The following TMCC1 variants were observed in gnomAD, a reference collection of about 807,000 sequenced individuals.
TMCC1 encodes transmembrane and coiled-coil domains protein 1.
A neutral mutation model predicts 52.4 loss-of-function variants in TMCC1; 15 were observed. The ratio of observed to expected loss-of-function variants is 0.29; its 90% CI spans 0.19 to 0.44. The LOEUF is 0.44. Ranked by LOEUF, TMCC1 falls within the 20% of genes least tolerant of loss-of-function variation. The pLI is 1.00. For synonymous variants in TMCC1, 279 were observed against 301.9 expected (o/e 0.92, Z 0.79); for missense variants, 503 against 806.0 (o/e 0.62, Z 4.55).
chr3:129,771,581 C>T (rs1301637643), intron 4 of TMCC1, among the ~76,000 whole-genome samples: 1 of 151,556 alleles, frequency 6.6e-6, no homozygotes, highest in East Asian at 1.9e-4. Flanking sequence ...TTGAGACCAG[C>T]CTGGACAACA....
At chr3:129,847,011 A>G (rs796504907) in intron 2 of TMCC1, 2 of 150,892 alleles carry the variant, frequency 1.3e-5, no homozygotes, top group African/African-American at 4.8e-5. Context: ...TCATACATAC[A>G]TACATACATA....
intron 4 of TMCC1, among the ~76,000 whole-genome samples, chr3:129,824,332 T>C (rs1219537012): frequency 6.7e-6 from 1 of 150,172 alleles, no homozygotes; most frequent in Non-Finnish European, 1.5e-5. Flanking sequence ...CGTGACTCTG[T>C]GTCAAAAAAA....
rs77754828 is a variant in TMCC1 at position 129,733,083 on chromosome 3, C to T, written c.577-61819G>A. ...CCTTCTTAGTGCAACTTTTAAGATACGTCTTTTGGAGTCCTCAAATAGTTG... is the reference window on the plus strand; with the variant it reads ...CCTTCTTAGTGCAACTTTTAAGATATGTCTTTTGGAGTCCTCAAATAGTTG... On this transcript the variant is annotated intron_variant, in intron 4 of 6. Transcript: ENST00000393238. Among the ~76,000 whole-genome samples the T allele has an allele frequency of 4.2e-3, 642 of 152,288 alleles. 3 individuals are homozygous for T. The highest frequency in any genetic ancestry group is 7.2e-3 in the Admixed American group (110 of 15,288).
chr3:129,705,168 T>C (rs966560784), intron 4 of TMCC1, among the ~76,000 whole-genome samples: 3 of 152,188 alleles, frequency 2.0e-5, no homozygotes, highest in African/African-American at 7.2e-5. Context: ...ATTCCTACCC[T>C]TGATATCTAT....
chr3:129,866,105 C>G (rs951608389), intron 2 of TMCC1, among the ~76,000 whole-genome samples: 1 of 151,520 alleles, frequency 6.6e-6, no homozygotes, highest in Non-Finnish European at 1.5e-5. Flanking sequence ...TTCTGGATGC[C>G]CTGACACCCA....
intron 4 of TMCC1, among the ~76,000 whole-genome samples, chr3:129,768,939 T>C (rs976514896): frequency 3.9e-5 from 6 of 152,300 alleles, no homozygotes; most frequent in South Asian, 2.1e-4. Context: ...CTGCACTCAC[T>C]GGAGATAGGC....
intron 4 of TMCC1, among the ~76,000 whole-genome samples, chr3:129,729,328 T>C (rs868034196): frequency 6.6e-6 from 1 of 152,236 alleles, no homozygotes; most frequent in African/African-American, 2.4e-5. Flanking sequence ...AATATCTTTT[T>C]ATGTATTTAG....
At chr3:129,813,450 CATGTACACCACAGAATACTACACAGCA>C (rs2057932639) in intron 4 of TMCC1, among the ~76,000 whole-genome samples, 1 of 152,080 alleles carries the variant, frequency 6.6e-6, no homozygotes, top group African/African-American at 2.4e-5. Flanking sequence ...AAATGTGGTA[CATGTACACCACAGAATACTACACAGCA>C]ATAAAAAAAT....
intron 2 of TMCC1, among the ~76,000 whole-genome samples, chr3:129,872,136 G>C (rs192275804): frequency 6.6e-6 from 1 of 152,344 alleles, no homozygotes; most frequent in East Asian, 1.9e-4. Context: ...AAAAGTGCTA[G>C]CCACAGTTGT....
chr3:129,655,252 T>C, intron 5 of TMCC1, 149 bp from the exon 6 acceptor site: 1 of 939,778 alleles, frequency 1.1e-6, no homozygotes, highest in Non-Finnish European at 1.5e-6. Context: ...TGCCAGTGGG[T>C]ATAGCTCTTA....
intron 4 of TMCC1, among the ~76,000 whole-genome samples, chr3:129,762,787 A>C (rs145806176): frequency 3.5e-4 from 54 of 152,218 alleles, no homozygotes; most frequent in African/African-American, 1.3e-3. Context: ...GTCTCAAAAA[A>C]AGTTTCTAAA....
chr3:129,696,676 T>G (rs940687557), intron 4 of TMCC1, among the ~76,000 whole-genome samples: 1 of 152,194 alleles, frequency 6.6e-6, no homozygotes, highest in Admixed American at 6.5e-5. Context: ...CCTATGAGCC[T>G]GTAAAATAAA....
At chr3:129,858,926 A>G (rs2060260466) in intron 2 of TMCC1, among the ~76,000 whole-genome samples, 1 of 152,212 alleles carries the variant, frequency 6.6e-6, no homozygotes, top group Non-Finnish European at 1.5e-5. Flanking sequence ...ATAACTTTTC[A>G]TTTTAAATAA....
intron 4 of TMCC1, among the ~76,000 whole-genome samples, chr3:129,673,220 C>T (rs1039322694): frequency 5.3e-5 from 8 of 151,988 alleles, no homozygotes; most frequent in East Asian, 1.9e-4. Context: ...AATGGACAGA[C>T]GCAGCACAAG....
intron 4 of TMCC1, among the ~76,000 whole-genome samples, chr3:129,816,894 C>T (rs1045997151): frequency 1.3e-5 from 2 of 151,674 alleles, no homozygotes; most frequent in Non-Finnish European, 2.9e-5. Flanking sequence ...CCAGGTGTGA[C>T]GGTGCACACC....
At chr3:129,738,774 A>C (rs2051203734) in intron 4 of TMCC1, among the ~76,000 whole-genome samples, 1 of 152,198 alleles carries the variant, frequency 6.6e-6, no homozygotes, top group South Asian at 2.1e-4. Context: ...TGGAGGAGAA[A>C]TTTACACATG....
chr3:129,764,789 A>ATT (rs543540842), intron 4 of TMCC1, among the ~76,000 whole-genome samples: 1 of 34,990 alleles, frequency 2.9e-5, no homozygotes, highest in African/African-American at 7.7e-5. Flanking sequence ...ATATATATAT[A>ATT]TTTTTTTTTT....
At position 129,795,012 on chromosome 3, in the gene TMCC1, C is replaced by T. The variant is rs535134856; in HGVS notation, c.576+32791G>A. 5.6e-4 allele frequency among the ~76,000 whole-genome samples: 85 copies of T among 152,286 alleles called. 1 individual carries two copies. The highest frequency in any genetic ancestry group is 5.6e-4 in the Non-Finnish European group (38 of 68,020). On this transcript the variant is annotated intron_variant, in intron 4 of 6. Coordinates refer to ENST00000393238, the MANE Select transcript of TMCC1 (RefSeq NM_001017395.5). ...CTCCCAGCTGGGCTCGGCAGCTGTGCGGCTTTGTCTAGCATAATTGGCCAA... is the reference window on the plus strand; with the variant it reads ...CTCCCAGCTGGGCTCGGCAGCTGTGTGGCTTTGTCTAGCATAATTGGCCAA...
chr3:129,667,307 AAT>A (rs1325755169), intron 5 of TMCC1, among the ~76,000 whole-genome samples: 1 of 152,046 alleles, frequency 6.6e-6, no homozygotes, highest in Non-Finnish European at 1.5e-5. Flanking sequence ...AAATTAGATG[AAT>A]ATGTTTACTG....
Sources: allele counts gnomAD v4.1 joint callset (sites outside exome capture counted in the v4.1 genomes callset), GRCh38; gene constraint gnomAD v4.1.1; transcripts MANE v1.5; gene names NCBI Gene and HGNC (gene_info 2026-07-23, HGNC 2026-07-21).